The following SPATA13 variants were observed in gnomAD, a reference collection of about 807,000 sequenced individuals.
SPATA13 encodes the protein spermatogenesis-associated protein 13.
SPATA13 carries 50 observed loss-of-function variants against 104.0 expected under a neutral mutation model. The ratio of observed to expected loss-of-function variants is 0.48; its 90% CI spans 0.38 to 0.61. The LOEUF is 0.61. Among genes scored for constraint, SPATA13 ranks in the 20% least tolerant of loss-of-function variants. SPATA13 has a pLI of 0.00. For missense variants in SPATA13, 1,524 were observed against 1,690.6 expected (o/e 0.90, Z 1.73); for synonymous variants, 606 against 667.5 (o/e 0.91, Z 1.42).
chr13:24,045,845 G>T (rs1477816084), intron 3 of SPATA13, among the ~76,000 whole-genome samples: 1 of 152,184 alleles, frequency 6.6e-6, no homozygotes, highest in Non-Finnish European at 1.5e-5. Context: ...TGGTCAGGTA[G>T]CAGGTGTGTG....
At chr13:24,039,206 A>G (rs1200178818) in intron 3 of SPATA13, among the ~76,000 whole-genome samples, 1 of 152,200 alleles carries the variant, frequency 6.6e-6, no homozygotes, top group African/African-American at 2.4e-5. Context: ...TGCTAGAAAC[A>G]CTGTCTTGAT....
intron 3 of SPATA13, among the ~76,000 whole-genome samples, chr13:24,063,290 G>A (rs1446383030): frequency 2.0e-5 from 3 of 152,144 alleles, no homozygotes; most frequent in African/African-American, 7.2e-5. Context: ...AAGGATATCT[G>A]ATTTTTTAAT....
chr13:24,090,487 G>C (rs1039752219), intron 3 of SPATA13, among the ~76,000 whole-genome samples: 1 of 152,140 alleles, frequency 6.6e-6, no homozygotes, highest in African/African-American at 2.4e-5. Context: ...TCACCGAACG[G>C]TGTCCTCACC....
In SPATA13 at chr13:24,201,630, A is replaced by G. The variant is rs543972920; in HGVS notation, c.-111-21189A>G. On this transcript the variant is annotated intron_variant, in intron 1 of 12. Transcript: ENST00000382108. ...TAATTTTTGTGTTTTTAGTAGAGAC[A>G]GGGTTTCACCATGTTGGCCAAAATG... Among the ~76,000 whole-genome samples, 22 of 152,286 alleles carry G rather than the reference A, an allele frequency of 1.4e-4. No homozygotes were observed. In the East Asian group the frequency reaches 2.3e-3, roughly 16 times the overall value.
chr13:24,244,507 A>G (rs1174439046), intron 2 of SPATA13, among the ~76,000 whole-genome samples: 1 of 152,250 alleles, frequency 6.6e-6, no homozygotes, highest in African/African-American at 2.4e-5. Flanking sequence ...ACTTTTGCAG[A>G]GTAAAATATG....
intron 3 of SPATA13, among the ~76,000 whole-genome samples, chr13:24,133,907 A>C (rs2137837911): frequency 6.6e-6 from 1 of 152,338 alleles, no homozygotes; most frequent in Admixed American, 6.5e-5. Flanking sequence ...GTAGAATCAG[A>C]CAGCGCATCC....
chr13:24,030,136 A>G (rs1308128981), intron 3 of SPATA13, among the ~76,000 whole-genome samples: 1 of 151,694 alleles, frequency 6.6e-6, no homozygotes, highest in Admixed American at 6.6e-5. Flanking sequence ...CACATCCCCC[A>G]CAGCGTGGTG....
At position 24,223,098 on chromosome 13, in the gene SPATA13, G is replaced by A. The variant is rs377174085; in HGVS notation, c.169G>A (p.Gly57Ser). Residue 57 changes from glycine (G) to serine (S), a missense_variant, in exon 2 of 13, where the codon GGT becomes AGT. By Grantham distance (56) the Gly-to-Ser change is moderately conservative. This residue lies in a region of SPATA13 where 1,089 missense variants were observed against 1,135.9 expected (regional missense o/e 0.96). Transcript: ENST00000382108. ...CGNGVCGCSPGGDTDTQEAKL... is the reference protein window; with the variant it reads ...CGNGVCGCSPSGDTDTQEAKL... ...AAATGGAGTCTGTGGCTGCAGCCCT[G>A]GTGGCGACACGGACACCCAGGAAGC... The A allele has an allele frequency of 7.1e-6, 11 of 1,551,714 alleles. No homozygotes were observed. The South Asian group carries it at 1.3e-4, about 18-fold the overall frequency.
At chr13:24,087,691 C>T (rs547444897) in intron 3 of SPATA13, among the ~76,000 whole-genome samples, 13 of 152,302 alleles carry the variant, frequency 8.5e-5, no homozygotes, top group Admixed American at 2.0e-4. Context: ...TCTACACACA[C>T]GCTTCTCTAG....
At chr13:24,017,959 C>CT (rs1339966877) in intron 3 of SPATA13, among the ~76,000 whole-genome samples, 1 of 152,192 alleles carries the variant, frequency 6.6e-6, no homozygotes, top group African/African-American at 2.4e-5. Flanking sequence ...ATTTTAGACC[C>CT]TACATGGATT....
At chr13:24,256,157 A>G (rs1018401969) in intron 4 of SPATA13, among the ~76,000 whole-genome samples, 1 of 152,228 alleles carries the variant, frequency 6.6e-6, no homozygotes, top group Non-Finnish European at 1.5e-5. Context: ...CTGTAGTATC[A>G]ACTTTTAAAT....
At chr13:24,010,218 G>C (rs1013122155) in intron 2 of SPATA13, among the ~76,000 whole-genome samples, 1 of 152,174 alleles carries the variant, frequency 6.6e-6, no homozygotes, top group African/African-American at 2.4e-5. Context: ...GGGGATAGTA[G>C]TCGCTTCTTA....
At chr13:24,196,770 A>G (rs1870080652) in intron 1 of SPATA13, among the ~76,000 whole-genome samples, 2 of 152,196 alleles carry the variant, frequency 1.3e-5, no homozygotes, top group African/African-American at 4.8e-5. Context: ...GCAGCCTAGT[A>G]CATGTCGGGC....
intron 3 of SPATA13, among the ~76,000 whole-genome samples, chr13:24,143,715 C>T (rs1236685252): frequency 6.6e-6 from 1 of 152,160 alleles, no homozygotes; most frequent in Non-Finnish European, 1.5e-5. Flanking sequence ...CACAGAACAT[C>T]TAACAGTGGG....
intron 3 of SPATA13, among the ~76,000 whole-genome samples, chr13:24,038,466 T>C (rs1409817822): frequency 6.6e-6 from 1 of 152,156 alleles, no homozygotes; most frequent in East Asian, 1.9e-4. Context: ...ACGCAGCGGT[T>C]AGTACCAGGG....
chr13:23,983,401 TA>T, intron 1 of SPATA13, among the ~76,000 whole-genome samples: 1 of 152,320 alleles, frequency 6.6e-6, no homozygotes, highest in Middle Eastern at 3.4e-3. Flanking sequence ...CAATTACCGC[TA>T]TGAAGGCCCT....
At chr13:24,172,637 G>C (rs756718115) in intron 1 of SPATA13, among the ~76,000 whole-genome samples, 2 of 152,084 alleles carry the variant, frequency 1.3e-5, no homozygotes, top group East Asian at 1.9e-4. Context: ...AGTTGGTTTT[G>C]CTTCTTTATC....
intron 3 of SPATA13, among the ~76,000 whole-genome samples, chr13:24,022,948 T>C (rs754796497): frequency 2.1e-5 from 3 of 145,346 alleles, no homozygotes; most frequent in Non-Finnish European, 4.6e-5. Flanking sequence ...TTTTTTTTTA[T>C]TATTATTATA....
chr13:24,237,458 T>C (rs1451969510), intron 2 of SPATA13, among the ~76,000 whole-genome samples: 1 of 152,182 alleles, frequency 6.6e-6, no homozygotes, highest in Admixed American at 6.5e-5. Flanking sequence ...GAATAAATAC[T>C]GTATGATTCC....
Sources: allele counts gnomAD v4.1 joint callset (sites outside exome capture counted in the v4.1 genomes callset), GRCh38; gene constraint gnomAD v4.1.1; regional missense constraint gnomAD v4.1.1; transcripts MANE v1.5; gene names NCBI Gene and HGNC (gene_info 2026-07-23, HGNC 2026-07-21).